TENM2: variants seen among roughly 807,000 people sequenced by gnomAD.
TENM2 encodes the protein teneurin-2.
A neutral mutation model predicts 245.2 loss-of-function variants in TENM2; 52 were observed. That is an observed-to-expected ratio of 0.21 (90% CI 0.17 to 0.27). The LOEUF is 0.27. Among genes scored for constraint, TENM2 ranks in the 10% least tolerant of loss-of-function variants. The pLI is 1.00. For missense variants in TENM2, 3,046 were observed against 3,666.8 expected (o/e 0.83, Z 4.37); for synonymous variants, 1,363 against 1,438.9 (o/e 0.95, Z 1.19).
At chr5:167,520,269 G>A (rs2127580911) in intron 2 of TENM2, among the ~76,000 whole-genome samples, 1 of 152,298 alleles carries the variant, frequency 6.6e-6, no homozygotes, top group South Asian at 2.1e-4. Context: ...TGCCTAAAAT[G>A]TAGATGGCTG....
intron 2 of TENM2, among the ~76,000 whole-genome samples, chr5:167,611,745 T>G (rs1276979800): frequency 6.6e-6 from 1 of 152,026 alleles, no homozygotes; most frequent in Non-Finnish European, 1.5e-5. Context: ...TGCTTTCTGG[T>G]TCATAGATGG....
intron 4 of TENM2, among the ~76,000 whole-genome samples, chr5:167,988,902 G>A (rs979634658): frequency 5.3e-5 from 8 of 152,282 alleles, no homozygotes; most frequent in Middle Eastern, 3.4e-3. Context: ...AGTGCCATAT[G>A]CAAGATATAA....
At chr5:167,809,042 G>T (rs1338844362) in intron 2 of TENM2, among the ~76,000 whole-genome samples, 2 of 152,118 alleles carry the variant, frequency 1.3e-5, no homozygotes, top group African/African-American at 4.8e-5. Context: ...ACAAAGAAAT[G>T]TATAAGATAA....
At chr5:168,062,036 G>C in intron 6 of TENM2, 24 bp from the exon 9 acceptor site, 1 of 1,543,900 alleles carries the variant, frequency 6.5e-7, no homozygotes. Context: ...ATTGACTGCT[G>C]TTTATTCCTT....
intron 2 of TENM2, among the ~76,000 whole-genome samples, chr5:167,793,828 TAAA>T (rs199764642): frequency 8.0e-6 from 1 of 124,478 alleles, no homozygotes. Context: ...AAACCCTGTC[TAAA>T]AAAAAAAAAG....
At chr5:167,652,892 C>T (rs1044517997) in intron 2 of TENM2, among the ~76,000 whole-genome samples, 2 of 152,170 alleles carry the variant, frequency 1.3e-5, no homozygotes, top group African/African-American at 4.8e-5. Flanking sequence ...CAACTCTGAT[C>T]ATTTGATGTC....
At chr5:167,181,532 C>A in the TENM2 span, among the ~76,000 whole-genome samples, 1 of 146,514 alleles carries the variant, frequency 6.8e-6, no homozygotes, top group South Asian at 2.2e-4. Flanking sequence ...ACGTATCCCA[C>A]CTTTAGGTCA....
the TENM2 span, among the ~76,000 whole-genome samples, chr5:166,982,074 C>T: frequency 1.3e-5 from 2 of 152,138 alleles, no homozygotes; most frequent in African/African-American, 2.4e-5. Flanking sequence ...ATAATACTAT[C>T]ATCTTGATAG....
At chr5:167,542,692 A>C (rs1772292047) in intron 2 of TENM2, among the ~76,000 whole-genome samples, 1 of 152,160 alleles carries the variant, frequency 6.6e-6, no homozygotes, top group South Asian at 2.1e-4. Flanking sequence ...TTTTCCCCCA[A>C]ACAAGAACTT....
chr5:167,938,534 C>G (rs564859069), intron 3 of TENM2: 1 of 152,294 alleles, frequency 6.6e-6, no homozygotes, highest in African/African-American at 2.4e-5. Flanking sequence ...CCCAAAAGGT[C>G]AGCATAGGAC....
intron 2 of TENM2, among the ~76,000 whole-genome samples, chr5:167,499,471 C>G (rs1421202800): frequency 6.6e-6 from 1 of 152,056 alleles, no homozygotes; most frequent in Non-Finnish European, 1.5e-5. Context: ...AGAAGTTGCT[C>G]CATTGTAGGG....
intron 2 of TENM2, among the ~76,000 whole-genome samples, chr5:167,821,523 C>T (rs1178286425): frequency 6.6e-6 from 1 of 152,106 alleles, no homozygotes; most frequent in Non-Finnish European, 1.5e-5. Context: ...ATGGGATGTC[C>T]TTTAGAAACC....
intron 2 of TENM2, among the ~76,000 whole-genome samples, chr5:167,493,935 T>C (rs1768611219): frequency 6.6e-6 from 1 of 152,128 alleles, no homozygotes; most frequent in South Asian, 2.1e-4. Flanking sequence ...AGGACCCACC[T>C]GGCTAAGGGG....
chr5:168,120,377 GC>G (rs1267194143), intron 10 of TENM2, among the ~76,000 whole-genome samples: 1 of 152,194 alleles, frequency 6.6e-6, no homozygotes, highest in Non-Finnish European at 1.5e-5. Flanking sequence ...ATTGCAGGAG[GC>G]AAAGCTGCAT....
At chr5:167,299,427 A>G (rs1561845244) in intron 1 of TENM2, among the ~76,000 whole-genome samples, 1 of 152,180 alleles carries the variant, frequency 6.6e-6, no homozygotes, top group Non-Finnish European at 1.5e-5. Flanking sequence ...CATGCTGATT[A>G]AAGCTAATTT....
chr5:166,988,450 A>G, the TENM2 span, among the ~76,000 whole-genome samples: 1 of 152,182 alleles, frequency 6.6e-6, no homozygotes, highest in South Asian at 2.1e-4. Context: ...ATGAGGGACT[A>G]TTATTTACCA....
the TENM2 span, among the ~76,000 whole-genome samples, chr5:167,109,731 AG>A: frequency 1.3e-5 from 2 of 152,178 alleles, no homozygotes; most frequent in Admixed American, 1.3e-4. Flanking sequence ...TCCTAATAAA[AG>A]TGAATGGAAC....
intron 3 of TENM2, among the ~76,000 whole-genome samples, chr5:167,879,031 G>A (rs956866739): frequency 1.3e-5 from 2 of 152,124 alleles, no homozygotes; most frequent in African/African-American, 4.8e-5. Flanking sequence ...ATTATTTGAT[G>A]TTGGTGAAGC....
At chr5:167,256,119 C>G in the TENM2 span, among the ~76,000 whole-genome samples, 2 of 152,086 alleles carry the variant, frequency 1.3e-5, no homozygotes, top group African/African-American at 4.8e-5. Context: ...CTAAGTGGTG[C>G]CCACCCTGTA....
Sources: allele counts gnomAD v4.1 joint callset (sites outside exome capture counted in the v4.1 genomes callset), GRCh38; gene constraint gnomAD v4.1.1; transcripts MANE v1.5; gene names NCBI Gene and HGNC (gene_info 2026-07-23, HGNC 2026-07-21).